Variants in TMEM255A observed in about 807,000 individuals in gnomAD.
TMEM255A encodes family with sequence similarity 70, member A.
Under a neutral mutation model 23.5 loss-of-function variants are expected in TMEM255A, and 14 were observed. That is an observed-to-expected ratio of 0.60 (90% CI 0.39 to 0.93). TMEM255A has a LOEUF of 0.93. TMEM255A is among the 40% of genes least tolerant of loss of function. The pLI, the probability that TMEM255A is intolerant of heterozygous loss-of-function variation, is 0.00. For synonymous variants in TMEM255A, 104 were observed against 100.3 expected, an observed-to-expected ratio of 1.04 and a Z score of -0.22; for missense variants, 233 against 261.7, an observed-to-expected ratio of 0.89 and a Z score of 0.76.
intron 8 of TMEM255A, among the ~76,000 whole-genome samples, chrX:120,261,411 G>A (rs2057679316): frequency 8.9e-6 from 1 of 112,311 alleles, no homozygotes; most frequent in Non-Finnish European, 1.9e-5. Flanking sequence ...GGTAATTTTT[G>A]GCTTTGAGAA....
At chrX:120,266,476 T>G (rs1295247579) in intron 8 of TMEM255A, among the ~76,000 whole-genome samples, 6 of 111,384 alleles carry the variant, frequency 5.4e-5, no homozygotes, top group Non-Finnish European at 9.4e-5. Flanking sequence ...CCGTTGGCAT[T>G]CTCAATCTTG....
intron 7 of TMEM255A, among the ~76,000 whole-genome samples, chrX:120,274,664 A>T (rs1386784169): frequency 8.9e-6 from 1 of 112,079 alleles, no homozygotes; most frequent in African/African-American, 3.2e-5. Flanking sequence ...ACACTGAGAG[A>T]CTAGTAACTC....
chrX:120,303,227 C>T (rs1284533479), intron 2 of TMEM255A, among the ~76,000 whole-genome samples: 1 of 111,357 alleles, frequency 9.0e-6, no homozygotes, highest in Non-Finnish European at 1.9e-5. Flanking sequence ...CGGCTGTTTC[C>T]TATTTATTGT....
intron 8 of TMEM255A, among the ~76,000 whole-genome samples, chrX:120,266,054 T>C (rs781815650): frequency 5.3e-4 from 56 of 105,090 alleles, no homozygotes; most frequent in African/African-American, 1.8e-3. Flanking sequence ...CTCGGGAGGC[T>C]GAGGCAGGAG....
intron 1 of TMEM255A, 103 bp downstream of exon 1, chrX:120,311,149 T>C (rs1603405038): frequency 1.3e-6 from 1 of 788,089 alleles, no homozygotes; most frequent in East Asian, 3.5e-5. Context: ...CATGCCCCGT[T>C]TCCCGCTCTC....
In TMEM255A at chrX:120,268,298, A is replaced by G. The variant is rs368321446; in HGVS notation, c.765T>C (p.Asn255=). Residue 255 remains asparagine, a synonymous_variant, in exon 8 of 9, where the codon AAT becomes AAC. Coordinates refer to ENST00000371369, the MANE Select transcript of TMEM255A (RefSeq NM_001104544.3). ...GGTGAGGAGGGCTATGGTAGTAGGTATTGTAGGATGCCACTTGGGGATGAG... is the reference window on the plus strand; with the variant it reads ...GGTGAGGAGGGCTATGGTAGTAGGTGTTGTAGGATGCCACTTGGGGATGAG... The part of the protein sequence containing the change: ...YYAHPQVASY[N]TYYHSPPHLP... 41 of 1,207,003 alleles carry G rather than the reference A, an allele frequency of 3.4e-5. No homozygotes were observed. The highest frequency in any genetic ancestry group is 4.5e-5 in the Non-Finnish European group (40 of 892,645).
chrX:120,252,560 A>AT, the TMEM255A span: 1 of 112,082 alleles, frequency 8.9e-6, no homozygotes, highest in Admixed American at 9.4e-5. Context: ...TCTCATACCA[A>AT]TGCATATGAT....
chrX:120,304,368 C>A lies in TMEM255A; in HGVS notation c.182G>T (p.Gly61Val). The A allele has an allele frequency of 8.3e-7, 1 of 1,210,812 alleles. No individual in the cohort carries two copies. The highest frequency in any genetic ancestry group is 1.1e-6 in the Non-Finnish European group (1 of 895,066). The change falls in exon 2 of 9, where the codon GGT becomes GTT. Residue 61 changes from glycine (G) to valine (V), a missense_variant. Coordinates refer to ENST00000371369, the MANE Select transcript of TMEM255A (RefSeq NM_001104544.3). ...ACTTACAATAACTCCGGGGTAATAA[C>A]CTCCTACAGTCACATTCTGGGTCCT... The part of the protein sequence containing the change: ...TTRTQNVTVG[G>V]YYPGVILGFG...
downstream of TMEM255A, chrX:120,257,716 T>C: frequency 8.1e-6 from 1 of 123,554 alleles, no homozygotes; most frequent in Middle Eastern, 4.5e-3. Context: ...TAAGTTTCCA[T>C]ATCCAAAGTT....
At chrX:120,292,007 T>A (rs1402652491) in intron 3 of TMEM255A, among the ~76,000 whole-genome samples, 1 of 111,438 alleles carries the variant, frequency 9.0e-6, no homozygotes, top group Non-Finnish European at 1.9e-5. Context: ...TACATATTTT[T>A]AAAATTTTTA....
At position 120,291,323 on chromosome X, in the gene TMEM255A, C is replaced by T; in HGVS notation, c.282G>A (p.Val94=). 1 of 1,208,187 alleles carries T rather than the reference C, an allele frequency of 8.3e-7. No individual in the cohort carries two copies. Among genetic ancestry groups the T allele is most frequent in the Non-Finnish European group, 1.1e-6 (1 of 893,430 alleles). The change falls in exon 4 of 9, where the codon GTG becomes GTA. Residue 94 remains valine, a synonymous_variant. Coordinates refer to ENST00000371369, the MANE Select transcript of TMEM255A (RefSeq NM_001104544.3). ...NKRQMLVASI[V]FISFGVIAAF... ...CCGCAATCACACCAAAGCTGATAAA[C>T]ACGATAGAAGCCACCAGCTGTAGGG...
At chrX:120,282,490 C>T (rs1248013758) in intron 6 of TMEM255A, among the ~76,000 whole-genome samples, 1 of 111,685 alleles carries the variant, frequency 9.0e-6, no homozygotes, top group East Asian at 2.8e-4. Flanking sequence ...TTTATTTTCC[C>T]CAGTGAAAAG....
intron 6 of TMEM255A, among the ~76,000 whole-genome samples, chrX:120,279,557 A>C (rs1556020413): frequency 8.9e-6 from 1 of 112,008 alleles, no homozygotes; most frequent in East Asian, 2.8e-4. Context: ...AACTTCTGAC[A>C]TCCCCCAAAT....
At chrX:120,299,867 C>T (rs2058021792) in intron 2 of TMEM255A, among the ~76,000 whole-genome samples, 1 of 111,606 alleles carries the variant, frequency 9.0e-6, no homozygotes, top group African/African-American at 3.3e-5. Flanking sequence ...GCCACACTGA[C>T]CTAAAGAAGG....
At chrX:120,255,330 A>G, downstream of TMEM255A, 2 of 1,211,314 alleles carry the variant, frequency 1.7e-6, no homozygotes, top group Non-Finnish European at 2.2e-6. Context: ...CAAGCCAATG[A>G]CCTGGGAAGA....
intron 8 of TMEM255A, among the ~76,000 whole-genome samples, chrX:120,264,159 G>C (rs2057699991): frequency 9.0e-6 from 1 of 111,335 alleles, no homozygotes; most frequent in Non-Finnish European, 1.9e-5. Flanking sequence ...TGGGAACCTT[G>C]AGGGGTTTAT....
chrX:120,306,820 C>T (rs781845855), intron 1 of TMEM255A, among the ~76,000 whole-genome samples: 3 of 112,194 alleles, frequency 2.7e-5, no homozygotes, highest in South Asian at 7.4e-4. Flanking sequence ...GCAGGAAGAG[C>T]CAGGTCAGAA....
intron 5 of TMEM255A, chrX:120,285,849 G>T: frequency 8.3e-7 from 1 of 1,201,982 alleles, no homozygotes; most frequent in South Asian, 1.8e-5. Flanking sequence ...TTTTGAGTTA[G>T]CAAAAAGGTT....
intron 7 of TMEM255A, among the ~76,000 whole-genome samples, chrX:120,270,642 T>C (rs2147184662): frequency 8.9e-6 from 1 of 111,760 alleles, no homozygotes; most frequent in South Asian, 3.8e-4. Context: ...AAACATTTCT[T>C]TAAGATCTTT....
Sources: gnomAD v4.1 joint callset for allele counts (sites outside exome capture counted in the v4.1 genomes callset) on GRCh38, gnomAD v4.1.1 for gene constraint, MANE v1.5 for transcripts, NCBI Gene and HGNC (gene_info 2026-07-23, HGNC 2026-07-21) for gene names.